The following ARHGEF12 variants were observed in gnomAD, a reference collection of about 807,000 sequenced individuals.
ARHGEF12 encodes Rho guanine nucleotide exchange factor 12.
ARHGEF12 carries 66 observed loss-of-function variants against 211.2 expected under a neutral mutation model. The ratio of observed to expected loss-of-function variants is 0.31; its 90% CI spans 0.26 to 0.38. The LOEUF (loss-of-function observed/expected upper bound fraction) is 0.38, where lower values mean the gene tolerates loss of function less well. Ranked by LOEUF, ARHGEF12 falls within the 10% of genes least tolerant of loss-of-function variation. The pLI, the probability that ARHGEF12 is intolerant of heterozygous loss-of-function variation, is 1.00. For synonymous variants in ARHGEF12, 592 were observed against 638.4 expected, an observed-to-expected ratio of 0.93 and a Z score of 1.09; for missense variants, 1,429 against 1,869.5, an observed-to-expected ratio of 0.76 and a Z score of 4.34.
chr11:120,371,095 G>A (rs1943576579), intron 1 of ARHGEF12, among the ~76,000 whole-genome samples: 1 of 152,182 alleles, frequency 6.6e-6, no homozygotes, highest in South Asian at 2.1e-4. Flanking sequence ...ATATGTGCAT[G>A]AGGTTTTTTC....
intron 1 of ARHGEF12, among the ~76,000 whole-genome samples, chr11:120,367,538 G>T (rs1156349531): frequency 1.3e-5 from 2 of 151,588 alleles, no homozygotes; most frequent in African/African-American, 4.8e-5. Flanking sequence ...GCTAATTTTT[G>T]TATTTTTAGT....
At chr11:120,343,250 T>G (rs1395311304) in intron 1 of ARHGEF12, among the ~76,000 whole-genome samples, 1 of 152,256 alleles carries the variant, frequency 6.6e-6, no homozygotes, top group Non-Finnish European at 1.5e-5. Flanking sequence ...ACTATTTTAG[T>G]TTCAAATTAT....
In ARHGEF12 at chr11:120,457,886, C is replaced by T. The variant is rs1946413356; in HGVS notation, c.2225+130C>T. 39 of 1,178,490 alleles carry T rather than the reference C, an allele frequency of 3.3e-5. 1 individual carries two copies. The South Asian group carries it at 5.9e-4, about 18-fold the overall frequency. 73.0% of individuals were successfully genotyped at this position (1,178,490 alleles called of 1,614,324 possible). A position where few individuals can be genotyped will look rare whatever the true frequency, so the allele number is the denominator to read the frequency against. ...CTGTTATGTAGTATAAAAGAAAGCTCTTAAGAAACACTGGTCATTCAAAAG... is the reference window on the plus strand; with the variant it reads ...CTGTTATGTAGTATAAAAGAAAGCTTTTAAGAAACACTGGTCATTCAAAAG... On this transcript the variant is annotated intron_variant, in intron 24 of 40. Transcript: ENST00000397843.
In ARHGEF12 at chr11:120,431,888, C is replaced by T. The variant is rs761313745; in HGVS notation, c.901C>T (p.Arg301Trp). The change falls in exon 11 of 41, where the codon CGG (arginine) becomes TGG (tryptophan). Residue 301 changes from arginine (R) to tryptophan (W), a missense_variant. By Grantham distance (101) the Arg-to-Trp change is moderately radical (BLOSUM62 -3). Around this residue, in one of 7 missense-constraint regions of ARHGEF12, gnomAD observed 254 missense variants for 286.4 expected, o/e 0.89. Transcript: ENST00000397843. The stretch of plus-strand genomic sequence containing the variant: ...TGACTGTAGCAGTGGAGATGCTTCT[C>T]GGCCCAGTAGTGACAATGCAGATGT... The part of the protein sequence containing the change: ...RTDCSSGDAS[R>W]PSSDNADSPK... 46 of 1,610,340 alleles carry T rather than the reference C, an allele frequency of 2.9e-5. No individual in the cohort carries two copies. In the South Asian group the frequency reaches 4.4e-4, roughly 16 times the overall value.
Position 120,447,227 on chromosome 11 carries a change from A to AT in ARHGEF12, c.1589+152dup, listed in dbSNP as rs199506820. ...TTTGTCATAGTACTTGAGAAACTGG[A>AT]TTTTTTTTTTCTTTTTTCTGATACT... On this transcript the variant is annotated intron_variant, in intron 18 of 40. Transcript: ENST00000397843. 4,204 of 880,278 alleles carry AT rather than the reference A, an allele frequency of 4.8e-3. 7 individuals are homozygous for AT. The highest frequency in any genetic ancestry group is 0.025 in the East Asian group (757 of 30,886). The allele number at this position is 880,278 out of a possible 1,614,324, so 54.5% of individuals were successfully genotyped here. A position where few individuals can be genotyped will look rare whatever the true frequency, so the allele number is the denominator to read the frequency against.
rs1044127651 is a variant in ARHGEF12, at chr11:120,459,158, T to C, written c.2381-16T>C. The C allele has an allele frequency of 6.3e-7, 1 of 1,590,704 alleles. No homozygotes were observed. The highest frequency in any genetic ancestry group is 1.4e-5 in the African/African-American group (1 of 74,050). On this transcript the variant is annotated splice_polypyrimidine_tract_variant and intron_variant, in intron 25 of 40. Transcript: ENST00000397843. Reference sequence around the variant, plus strand: ...GTTCTAAGTAAGGCAACATTTCATATCTCTTTCCTGTTCAGAATTGTTCTA... The same window carrying C: ...GTTCTAAGTAAGGCAACATTTCATACCTCTTTCCTGTTCAGAATTGTTCTA...
At chr11:120,457,438 G>A in intron 23 of ARHGEF12, 188 bp downstream of exon 23, 1 of 551,380 alleles carries the variant, frequency 1.8e-6, no homozygotes, top group Non-Finnish European at 2.9e-6. Flanking sequence ...AGACCAGCCT[G>A]GGCAACGTAG....
chr11:120,342,794 A>G (rs991917263), intron 1 of ARHGEF12, among the ~76,000 whole-genome samples: 5 of 152,248 alleles, frequency 3.3e-5, no homozygotes, highest in Non-Finnish European at 5.9e-5. Context: ...TCTTTCAAAT[A>G]TGAGTACCCT....
intron 4 of ARHGEF12, among the ~76,000 whole-genome samples, chr11:120,415,570 T>C (rs1945005662): frequency 6.6e-6 from 1 of 152,236 alleles, no homozygotes; most frequent in Non-Finnish European, 1.5e-5. Flanking sequence ...TTTTTCCCTC[T>C]GTGGTAGGTT....
intron 28 of ARHGEF12, among the ~76,000 whole-genome samples, chr11:120,466,203 G>A (rs1352070278): frequency 6.6e-6 from 1 of 152,268 alleles, no homozygotes; most frequent in African/African-American, 2.4e-5. Flanking sequence ...GGGAGCTGCA[G>A]TTTTCATCTG....
At chr11:120,443,847 A>T (rs900622969) in intron 15 of ARHGEF12, among the ~76,000 whole-genome samples, 1 of 152,252 alleles carries the variant, frequency 6.6e-6, no homozygotes, top group Non-Finnish European at 1.5e-5. Context: ...AACTATTTGC[A>T]TAGCGTTTAC....
chr11:120,347,333 G>T lies in ARHGEF12; in HGVS notation c.32+10058G>T, dbSNP rs566448552. Among the ~76,000 whole-genome samples, 4 of 144,062 alleles carry T rather than the reference G, an allele frequency of 2.8e-5. No individual in the cohort carries two copies. In the East Asian group the frequency reaches 8.5e-4, roughly 31 times the overall value. 94.5% of individuals were successfully genotyped at this position (144,062 alleles called of 152,430 possible). On this transcript the variant is annotated intron_variant, in intron 1 of 40. Transcript: ENST00000397843. Reference sequence around the variant, plus strand: ...AGCAGAAGCAGGTAATTAACCTCTGGAAAAAATAACATTGCAACAGATTTG... The same window carrying T: ...AGCAGAAGCAGGTAATTAACCTCTGTAAAAAATAACATTGCAACAGATTTG...
At chr11:120,352,505 T>C (rs1943013762) in intron 1 of ARHGEF12, among the ~76,000 whole-genome samples, 1 of 152,258 alleles carries the variant, frequency 6.6e-6, no homozygotes, top group Non-Finnish European at 1.5e-5. Context: ...TGCGTTGTTA[T>C]AGTGTTATCT....
At chr11:120,374,354 G>T (rs1298693852) in intron 1 of ARHGEF12, among the ~76,000 whole-genome samples, 1 of 152,156 alleles carries the variant, frequency 6.6e-6, no homozygotes, top group East Asian at 1.9e-4. Context: ...TTTATCCAGG[G>T]ATACAGAAGA....
intron 32 of ARHGEF12, 40 bp downstream of exon 32, chr11:120,474,675 A>G: frequency 6.6e-7 from 1 of 1,520,332 alleles, no homozygotes; most frequent in Admixed American, 2.0e-5. Flanking sequence ...GGAGAGTGGC[A>G]AAAGGGAAGG....
At chr11:120,344,429 C>T (rs1942639949) in intron 1 of ARHGEF12, among the ~76,000 whole-genome samples, 1 of 152,038 alleles carries the variant, frequency 6.6e-6, no homozygotes, top group African/African-American at 2.4e-5. Context: ...TGTGAAGGTG[C>T]TTAGACATAC....
At chr11:120,459,066 A>G (rs1946444830) in intron 25 of ARHGEF12, 108 bp from the exon 26 acceptor site, 2 of 923,282 alleles carry the variant, frequency 2.2e-6, no homozygotes, top group African/African-American at 3.4e-5. Context: ...TAAATGATAA[A>G]TAATTTATTA....
chr11:120,340,447 T>G (rs1298387006), intron 1 of ARHGEF12, among the ~76,000 whole-genome samples: 1 of 152,206 alleles, frequency 6.6e-6, no homozygotes, highest in Non-Finnish European at 1.5e-5. Flanking sequence ...TTTGATACAA[T>G]TTTTTTAAAG....
At chr11:120,428,775 CAAAAAAGCATCA>C (rs1945435095) in intron 8 of ARHGEF12, among the ~76,000 whole-genome samples, 1 of 151,926 alleles carries the variant, frequency 6.6e-6, no homozygotes, top group South Asian at 2.1e-4. Context: ...TAGAAGGAGC[CAAAAAAGCATCA>C]AATATTGTGG....
Sources: allele counts gnomAD v4.1 joint callset (sites outside exome capture counted in the v4.1 genomes callset), GRCh38; gene constraint gnomAD v4.1.1; regional missense constraint gnomAD v4.1.1; transcripts MANE v1.5; gene names NCBI Gene and HGNC (gene_info 2026-07-23, HGNC 2026-07-21).